The following RUSC2 variants were observed in gnomAD, a reference collection of about 807,000 sequenced individuals.
The protein encoded by RUSC2 is RUN and SH3 domain containing 2.
RUSC2 carries 34 observed loss-of-function variants against 122.2 expected under a neutral mutation model. The ratio of observed to expected loss-of-function variants is 0.28; its 90% CI spans 0.21 to 0.37. RUSC2 has a LOEUF of 0.37. Among genes scored for constraint, RUSC2 ranks in the 10% least tolerant of loss-of-function variants. RUSC2 has a pLI of 1.00. For synonymous variants in RUSC2, 784 were observed against 790.0 expected (o/e 0.99, Z 0.13); for missense variants, 1,747 against 1,952.4 (o/e 0.89, Z 1.98).
intron 1 of RUSC2, among the ~76,000 whole-genome samples, chr9:35,510,088 T>C (rs1016831982): frequency 2.0e-5 from 3 of 152,194 alleles, no homozygotes; most frequent in African/African-American, 7.2e-5. Flanking sequence ...TTCCTATGCC[T>C]TAAATAAAAA....
Position 35,560,319 on chromosome 9 carries a change from G to A in RUSC2, c.3679G>A (p.Glu1227Lys). ...PGDVDRAAQG[E>K]RVKGVGASEG... ...AGACGTGGACAGGGCAGCCCAAGGG[G>A]AGCGGGTGAAGGGTGTGGGTGCCTC... The change falls in exon 10 of 12, where the codon GAG becomes AAG. Residue 1227 changes from glutamate (E) to lysine (K), a missense_variant. Transcript: ENST00000361226. 6.2e-7 allele frequency: 1 copy of A among 1,605,052 alleles called. No individual in the cohort carries two copies. The highest frequency in any genetic ancestry group is 1.1e-5 in the South Asian group (1 of 90,730).
intron 1 of RUSC2, among the ~76,000 whole-genome samples, chr9:35,499,409 T>C (rs1160617032): frequency 1.3e-5 from 2 of 152,242 alleles, no homozygotes; most frequent in Admixed American, 6.5e-5. Flanking sequence ...TTTGATACTT[T>C]AGGAAGAAAC....
chr9:35,495,888 G>T (rs542348450), intron 1 of RUSC2, among the ~76,000 whole-genome samples: 3 of 152,204 alleles, frequency 2.0e-5, no homozygotes, highest in East Asian at 1.9e-4. Context: ...CACTTCCGTG[G>T]TTAAGTTCAT....
intron 1 of RUSC2, among the ~76,000 whole-genome samples, chr9:35,526,689 A>C (rs537642107): frequency 6.6e-6 from 1 of 152,328 alleles, no homozygotes; most frequent in South Asian, 2.1e-4. Flanking sequence ...TAAGGCAGGA[A>C]GATCACTTGA....
In RUSC2 at chr9:35,546,864, G is replaced by A. The variant is rs777242479; in HGVS notation, c.343G>A (p.Gly115Ser). 6.2e-7 allele frequency: 1 copy of A among 1,605,998 alleles called. No homozygotes were observed. Among genetic ancestry groups the A allele is most frequent in the Non-Finnish European group, 8.5e-7 (1 of 1,176,234 alleles). Reference protein sequence around the residue: ...LQEGVGEPGLGDLYDDSIGDS... With the variant: ...LQEGVGEPGLSDLYDDSIGDS... ...GGAGGGTGTGGGTGAGCCAGGACTTGGTGACCTGTATGATGACAGCATTGG... is the reference window on the plus strand; with the variant it reads ...GGAGGGTGTGGGTGAGCCAGGACTTAGTGACCTGTATGATGACAGCATTGG... Residue 115 changes from glycine (G) to serine (S), a missense_variant, in exon 2 of 12, where the codon GGT becomes AGT. Gly to Ser is a moderately conservative substitution (Grantham distance 56). Transcript: ENST00000361226. The surrounding 1 kb of genome is among the most constrained non-coding windows in gnomAD (Gnocchi z 4.3).
intron 1 of RUSC2, among the ~76,000 whole-genome samples, chr9:35,496,074 T>A (rs1820706860): frequency 1.3e-5 from 2 of 152,166 alleles, no homozygotes; most frequent in African/African-American, 4.8e-5. Flanking sequence ...AGCGAGCTAG[T>A]AACCAGAGAA....
chr9:35,552,250 A>AC (rs1821915083), intron 2 of RUSC2, among the ~76,000 whole-genome samples: 3 of 152,058 alleles, frequency 2.0e-5, no homozygotes, highest in South Asian at 4.1e-4. Flanking sequence ...AGTCCCATCT[A>AC]CCCGGGAGGC....
chr9:35,495,985 A>C (rs773450248), intron 1 of RUSC2, among the ~76,000 whole-genome samples: 3 of 152,200 alleles, frequency 2.0e-5, no homozygotes, highest in Non-Finnish European at 2.9e-5. Flanking sequence ...GTGTTTAGGC[A>C]TACAGCTGAT....
At chr9:35,493,124 C>T (rs937929904) in intron 1 of RUSC2, among the ~76,000 whole-genome samples, 4 of 152,086 alleles carry the variant, frequency 2.6e-5, no homozygotes, top group Non-Finnish European at 5.9e-5. Context: ...GTTATCTTTT[C>T]TGCTCCTCTC....
intron 1 of RUSC2, among the ~76,000 whole-genome samples, chr9:35,527,895 G>A (rs1366085837): frequency 6.6e-6 from 1 of 152,202 alleles, no homozygotes; most frequent in East Asian, 1.9e-4. Context: ...AGAACTCTCA[G>A]GTTTAGCTCC....
Position 35,561,099 on chromosome 9 carries a change from T to A in RUSC2, c.4349+2T>A. ...AGCCCTGCCCTCCAGTCCTCCGTGG[T>A]AAGCCTGGGGAAACGGAAGGGCTGA... On this transcript the variant is annotated splice_donor_variant, in intron 11 of 11. Coordinates refer to ENST00000361226, the MANE Select transcript of RUSC2 (RefSeq NM_014806.5). LOFTEE classifies it high-confidence loss of function. 6.2e-7 allele frequency: 1 copy of A among 1,613,908 alleles called. No individual in the cohort carries two copies. Among genetic ancestry groups the A allele is most frequent in the Non-Finnish European group, 8.5e-7 (1 of 1,179,870 alleles).
At chr9:35,513,867 G>A (rs1821053782) in intron 1 of RUSC2, among the ~76,000 whole-genome samples, 1 of 126,982 alleles carries the variant, frequency 7.9e-6, no homozygotes, top group African/African-American at 2.9e-5. Context: ...GTTTTAAATA[G>A]TATTTTTTTG....
At chr9:35,504,460 G>GT (rs916958013) in intron 1 of RUSC2, among the ~76,000 whole-genome samples, 4 of 146,960 alleles carry the variant, frequency 2.7e-5, no homozygotes, top group South Asian at 2.1e-4. Flanking sequence ...AGTTTTTTGG[G>GT]TTTTTTTTCT....
chr9:35,552,313 A>G (rs192139336), intron 2 of RUSC2, among the ~76,000 whole-genome samples: 1 of 152,344 alleles, frequency 6.6e-6, no homozygotes, highest in Admixed American at 6.5e-5. Flanking sequence ...GTAAGCTGAG[A>G]TCACGCCACT....
Position 35,556,413 on chromosome 9 carries a change from C to T in RUSC2, c.2948C>T (p.Ser983Leu), listed in dbSNP as rs1383393667. 2 of 1,614,232 alleles carry T rather than the reference C, an allele frequency of 1.2e-6. No homozygotes were observed. Among genetic ancestry groups the T allele is most frequent in the Admixed American group, 1.7e-5 (1 of 60,026 alleles). The change falls in exon 5 of 12, where the codon TCA becomes TTA. Residue 983 changes from serine to leucine, a missense_variant. Coordinates refer to ENST00000361226, the MANE Select transcript of RUSC2 (RefSeq NM_014806.5). ...AEFCLSPDGS[S>L]EAISIDLLQK... ...TTTTGTCTGTCCCCAGATGGCAGCT[C>T]AGAGGCCATTTCCATTGACCTGCTT...
At position 35,561,010 on chromosome 9, in the gene RUSC2, C is replaced by T. The variant is rs762044782; in HGVS notation, c.4262C>T (p.Ala1421Val). ...GACAAGTCCATGTTCCAACTAGTGG[C>T]GCAGACAGTGGGTTCCCGCCGGGAG... ...SLDKSMFQLV[A>V]QTVGSRREPE... The change falls in exon 11 of 12, where the codon GCG (alanine) becomes GTG (valine). Residue 1421 changes from alanine (A) to valine (V), a missense_variant. Transcript: ENST00000361226. 17 of 1,614,060 alleles carry T rather than the reference C, an allele frequency of 1.1e-5. No individual in the cohort carries two copies. Among genetic ancestry groups the T allele is most frequent in the African/African-American group, 5.3e-5 (4 of 74,948 alleles).
At position 35,557,931 on chromosome 9, in the gene RUSC2, A is replaced by G. The variant is rs1822056715; in HGVS notation, c.3001A>G (p.Asn1001Asp). The G allele has an allele frequency of 6.2e-7, 1 of 1,614,064 alleles. No homozygotes were observed. The highest frequency in any genetic ancestry group is 1.7e-5 in the Admixed American group (1 of 60,002). Residue 1001 changes from asparagine to aspartate, a missense_variant, in exon 6 of 12, where the codon AAC (asparagine) becomes GAC (aspartate). Coordinates refer to ENST00000361226, the MANE Select transcript of RUSC2 (RefSeq NM_014806.5). This position sits in a 1 kb window ranked among gnomAD's most constrained non-coding sequence, Gnocchi z 4.6. ...LQKKGLVKAV[N>D]IAVDLIVAHF... ...CCCTGCAGGGCTGGTAAAAGCTGTTAACATCGCTGTGGACCTCATTGTGGC... is the reference window on the plus strand; with the variant it reads ...CCCTGCAGGGCTGGTAAAAGCTGTTGACATCGCTGTGGACCTCATTGTGGC...
At chr9:35,538,330 C>CG (rs1821571136) in intron 1 of RUSC2, among the ~76,000 whole-genome samples, 1 of 152,144 alleles carries the variant, frequency 6.6e-6, no homozygotes, top group African/African-American at 2.4e-5. Flanking sequence ...GCCTGTCTAC[C>CG]GCCCCGTCTC....
intron 1 of RUSC2, among the ~76,000 whole-genome samples, chr9:35,506,440 A>G (rs975357657): frequency 3.3e-5 from 5 of 152,204 alleles, no homozygotes; most frequent in Non-Finnish European, 7.3e-5. Context: ...TTTATTTTCC[A>G]CTATGCATTT....
Sources: gnomAD v4.1 joint callset for allele counts (sites outside exome capture counted in the v4.1 genomes callset) on GRCh38, gnomAD v4.1.1 for gene constraint, Gnocchi (gnomAD v3.1) non-coding constraint, MANE v1.5 for transcripts, NCBI Gene and HGNC (gene_info 2026-07-23, HGNC 2026-07-21) for gene names.